FRMD3: variants seen among roughly 807,000 people sequenced by gnomAD.
FRMD3 encodes the protein FERM domain containing 3.
A neutral mutation model predicts 70.2 loss-of-function variants in FRMD3; 33 were observed. That is an observed-to-expected ratio of 0.47 (90% CI 0.36 to 0.63). The LOEUF (loss-of-function observed/expected upper bound fraction) is 0.63, where lower values mean the gene tolerates loss of function less well. Among genes scored for constraint, FRMD3 ranks in the 20% least tolerant of loss-of-function variants. The pLI is 0.00. For synonymous variants in FRMD3, 279 were observed against 255.9 expected, an observed-to-expected ratio of 1.09 and a Z score of -0.86; for missense variants, 632 against 711.4, an observed-to-expected ratio of 0.89 and a Z score of 1.27.
intron 4 of FRMD3, among the ~76,000 whole-genome samples, chr9:83,346,015 G>A (rs1823947035): frequency 6.6e-6 from 1 of 152,082 alleles, no homozygotes; most frequent in African/African-American, 2.4e-5. Flanking sequence ...CCAGCATTTG[G>A]GAGGCCGAGG....
In FRMD3 at chr9:83,352,137, C is replaced by T. The variant is rs559319079; in HGVS notation, c.296-2380G>A. Among the ~76,000 whole-genome samples the T allele has an allele frequency of 5.3e-5, 8 of 152,254 alleles. No homozygotes were observed. In the East Asian group the frequency reaches 1.5e-3, roughly 29 times the overall value. ...CATTTAGGTTGTTTTCACACTTTTG[C>T]AATTCAAACTATTCTACATCAAACC... On this transcript the variant is annotated intron_variant, in intron 3 of 13. Coordinates refer to ENST00000304195, the MANE Select transcript of FRMD3 (RefSeq NM_174938.6).
At chr9:83,582,313 G>A in the FRMD3 span, among the ~76,000 whole-genome samples, 2 of 152,204 alleles carry the variant, frequency 1.3e-5, no homozygotes, top group Non-Finnish European at 2.9e-5. Flanking sequence ...TCCAGGTTTA[G>A]TGAAAAGATA....
chr9:83,394,759 C>A (rs1449831211), intron 1 of FRMD3, among the ~76,000 whole-genome samples: 1 of 152,120 alleles, frequency 6.6e-6, no homozygotes, highest in Admixed American at 6.6e-5. Context: ...TTTACAATCA[C>A]AAACTAGCCT....
intron 1 of FRMD3, among the ~76,000 whole-genome samples, chr9:83,453,937 G>A (rs891176608): frequency 4.6e-5 from 7 of 151,876 alleles, no homozygotes; most frequent in Non-Finnish European, 1.0e-4. Context: ...GGATGGTCTC[G>A]ATCTCCTGAC....
the FRMD3 span, among the ~76,000 whole-genome samples, chr9:83,559,576 A>T: frequency 6.6e-6 from 1 of 152,316 alleles, no homozygotes; most frequent in South Asian, 2.1e-4. Context: ...GTTGACCCAT[A>T]TGTAATTGCC....
At chr9:83,398,136 C>T (rs916707937) in intron 1 of FRMD3, among the ~76,000 whole-genome samples, 9 of 152,168 alleles carry the variant, frequency 5.9e-5, no homozygotes, top group Non-Finnish European at 8.8e-5. Context: ...AAACTCAAGC[C>T]TATTTGTGTA....
At chr9:83,442,158 A>G (rs1302709653) in intron 1 of FRMD3, among the ~76,000 whole-genome samples, 2 of 151,848 alleles carry the variant, frequency 1.3e-5, no homozygotes, top group Non-Finnish European at 2.9e-5. Flanking sequence ...AACAGCTACC[A>G]CTGGTGAGAG....
chr9:83,316,831 T>C (rs760594283), intron 6 of FRMD3, among the ~76,000 whole-genome samples: 10 of 152,148 alleles, frequency 6.6e-5, no homozygotes, highest in Non-Finnish European at 1.3e-4. Flanking sequence ...TTAATCCATA[T>C]GGTATTTCTC....
intron 4 of FRMD3, among the ~76,000 whole-genome samples, chr9:83,348,739 C>G (rs1206941123): frequency 1.3e-5 from 2 of 152,136 alleles, no homozygotes; most frequent in Non-Finnish European, 2.9e-5. Flanking sequence ...CACCCTCTCT[C>G]CCCATCTCCC....
At chr9:83,333,618 C>T (rs79282878) in intron 6 of FRMD3, among the ~76,000 whole-genome samples, 5,100 of 152,306 alleles carry the variant, frequency 0.033, 114 homozygotes, top group Non-Finnish European at 0.046. Context: ...TATTCTTTTT[C>T]AGGTCCTTCC....
upstream of FRMD3, among the ~76,000 whole-genome samples, chr9:83,542,189 G>A (rs956241486): frequency 6.6e-5 from 10 of 152,236 alleles, no homozygotes; most frequent in African/African-American, 1.7e-4. Flanking sequence ...AGTGTCTCAC[G>A]CTCAGTGATA....
intron 1 of FRMD3, among the ~76,000 whole-genome samples, chr9:83,490,895 A>T (rs1339920609): frequency 6.6e-6 from 1 of 151,928 alleles, no homozygotes; most frequent in Non-Finnish European, 1.5e-5. Flanking sequence ...ATGTAAGGAA[A>T]ATCAAATATT....
At chr9:83,373,846 A>G (rs1825059784) in intron 2 of FRMD3, among the ~76,000 whole-genome samples, 1 of 152,148 alleles carries the variant, frequency 6.6e-6, no homozygotes, top group Admixed American at 6.6e-5. Flanking sequence ...GCCGGAGAGG[A>G]AATCAGAAGA....
intron 13 of FRMD3, among the ~76,000 whole-genome samples, chr9:83,286,692 T>A (rs974413579): frequency 6.6e-6 from 1 of 152,140 alleles, no homozygotes; most frequent in South Asian, 2.1e-4. Flanking sequence ...CAAATCTAGT[T>A]CCAAAATATG....
chr9:83,436,813 G>A (rs1827150305), intron 1 of FRMD3, among the ~76,000 whole-genome samples: 1 of 146,636 alleles, frequency 6.8e-6, no homozygotes, highest in Non-Finnish European at 1.5e-5. Context: ...AAGACAGCTA[G>A]ACAGGAAAAG....
intron 6 of FRMD3, among the ~76,000 whole-genome samples, chr9:83,321,331 C>G (rs1319276714): frequency 6.6e-6 from 1 of 152,044 alleles, no homozygotes; most frequent in Non-Finnish European, 1.5e-5. Context: ...ATAAATTTCC[C>G]TCTTAGCAAT....
intron 13 of FRMD3, among the ~76,000 whole-genome samples, chr9:83,285,945 G>C (rs1834190457): frequency 6.6e-6 from 1 of 152,184 alleles, no homozygotes; most frequent in Non-Finnish European, 1.5e-5. Flanking sequence ...TTTTGGGTGG[G>C]CTTTGAAAAC....
chr9:83,341,899 G>C (rs764995400), intron 5 of FRMD3, among the ~76,000 whole-genome samples: 19 of 152,104 alleles, frequency 1.2e-4, no homozygotes, highest in Non-Finnish European at 2.4e-4. Flanking sequence ...GTGGGCCACA[G>C]GGGAATCCCC....
chr9:83,477,874 A>T (rs1176819014), intron 1 of FRMD3, among the ~76,000 whole-genome samples: 1 of 152,182 alleles, frequency 6.6e-6, no homozygotes, highest in Non-Finnish European at 1.5e-5. Context: ...ACCTTTCCTT[A>T]GAAGAATTCA....
Sources: allele counts gnomAD v4.1 joint callset (sites outside exome capture counted in the v4.1 genomes callset), GRCh38; gene constraint gnomAD v4.1.1; transcripts MANE v1.5; gene names NCBI Gene and HGNC (gene_info 2026-07-23, HGNC 2026-07-21).